TBC1D5: variants seen among roughly 807,000 people sequenced by gnomAD.
TBC1D5 encodes TBC1 domain family member 5.
In TBC1D5, 75 loss-of-function variants were observed where a neutral mutation model predicts 100.3. The ratio of observed to expected loss-of-function variants is 0.75; its 90% CI spans 0.62 to 0.91. The LOEUF is 0.91. Ranked by LOEUF, TBC1D5 falls within the 40% of genes least tolerant of loss-of-function variation. TBC1D5 has a pLI of 0.00. For missense variants in TBC1D5, 910 were observed against 942.4 expected, an observed-to-expected ratio of 0.97 and a Z score of 0.45; for synonymous variants, 323 against 325.6, an observed-to-expected ratio of 0.99 and a Z score of 0.09.
chr3:17,298,089 G>A (rs2082447939), intron 14 of TBC1D5, among the ~76,000 whole-genome samples: 2 of 152,102 alleles, frequency 1.3e-5, no homozygotes, highest in Admixed American at 1.3e-4. Flanking sequence ...ATTTTAAATT[G>A]AAATGAAGGA....
At chr3:17,411,341 A>T (rs1318634983) in intron 4 of TBC1D5, among the ~76,000 whole-genome samples, 1 of 152,108 alleles carries the variant, frequency 6.6e-6, no homozygotes, top group East Asian at 1.9e-4. Flanking sequence ...ATATCACGTG[A>T]CTCACTTTAT....
intron 3 of TBC1D5, among the ~76,000 whole-genome samples, chr3:17,431,298 C>T: frequency 6.6e-6 from 1 of 151,872 alleles, no homozygotes; most frequent in East Asian, 1.9e-4. Flanking sequence ...TACACAAAGA[C>T]TATTAAATGG....
chr3:17,635,891 C>A (rs2063870339), intron 1 of TBC1D5, among the ~76,000 whole-genome samples: 1 of 152,086 alleles, frequency 6.6e-6, no homozygotes, highest in Admixed American at 6.5e-5. Flanking sequence ...GGGCAAGTGA[C>A]ATTTTTAAAA....
chr3:17,495,667 G>C (rs2095697980), intron 3 of TBC1D5, among the ~76,000 whole-genome samples: 1 of 152,192 alleles, frequency 6.6e-6, no homozygotes. Flanking sequence ...GGAAAAGCTT[G>C]CTCACCATCT....
intron 1 of TBC1D5, among the ~76,000 whole-genome samples, chr3:17,675,093 C>A (rs550901439): frequency 5.9e-5 from 9 of 151,960 alleles, no homozygotes; most frequent in African/African-American, 2.2e-4. Context: ...GTATAGGGAT[C>A]AAAAAGTAAA....
chr3:17,549,831 G>A (rs1197727864), intron 2 of TBC1D5, among the ~76,000 whole-genome samples: 1 of 152,106 alleles, frequency 6.6e-6, no homozygotes. Context: ...TCGTGAGGCT[G>A]AGGCAGGAGA....
intron 1 of TBC1D5, among the ~76,000 whole-genome samples, chr3:17,690,286 G>C (rs1270237007): frequency 3.7e-5 from 1 of 26,714 alleles, no homozygotes; most frequent in African/African-American, 1.1e-4. Context: ...GCGGGATCTC[G>C]GCTCACTGCA....
At chr3:17,613,038 C>T (rs1020363192) in intron 2 of TBC1D5, among the ~76,000 whole-genome samples, 2 of 152,084 alleles carry the variant, frequency 1.3e-5, no homozygotes, top group Admixed American at 6.6e-5. Context: ...CTTCCCCAAC[C>T]CCTCACCCCA....
rs145764731 is a variant in TBC1D5 at position 17,546,491 on chromosome 3, C to T, written c.-35-37886G>A. The stretch of plus-strand genomic sequence containing the variant: ...TATAAAAAGTAATAGCAGCCAGGCA[C>T]GGTGGCTCACATCTGTAATGCTAGC... On this transcript the variant is annotated intron_variant, in intron 2 of 21. Transcript: ENST00000253692. Among the ~76,000 whole-genome samples the T allele has an allele frequency of 8.2e-3, 1,252 of 152,072 alleles. 10 individuals carry two copies. Among genetic ancestry groups the T allele is most frequent in the Non-Finnish European group, 0.013 (884 of 67,986 alleles).
At chr3:17,593,607 C>G (rs2060373759) in intron 2 of TBC1D5, among the ~76,000 whole-genome samples, 1 of 152,192 alleles carries the variant, frequency 6.6e-6, no homozygotes. Context: ...ATGCTTCTGC[C>G]AAGACTAGCA....
chr3:17,628,835 T>A (rs866227761), intron 1 of TBC1D5, among the ~76,000 whole-genome samples: 3 of 152,202 alleles, frequency 2.0e-5, no homozygotes, highest in Non-Finnish European at 4.4e-5. Flanking sequence ...GCTAAGTGGT[T>A]ATGTGTGTTA....
intron 16 of TBC1D5, among the ~76,000 whole-genome samples, chr3:17,254,873 A>C (rs1370665310): frequency 1.3e-5 from 2 of 152,096 alleles, no homozygotes; most frequent in Non-Finnish European, 2.9e-5. Flanking sequence ...GTTGGAGTCA[A>C]AGAGAAACAA....
chr3:17,403,329 G>A (rs1050358245), intron 7 of TBC1D5, 81 bp from the exon 8 acceptor site: 7 of 954,332 alleles, frequency 7.3e-6, no homozygotes, highest in African/African-American at 3.4e-5. Flanking sequence ...AATGTAAATG[G>A]TTAAAATTTA....
At chr3:17,535,961 A>G (rs892286426) in intron 2 of TBC1D5, among the ~76,000 whole-genome samples, 1 of 152,174 alleles carries the variant, frequency 6.6e-6, no homozygotes, top group African/African-American at 2.4e-5. Flanking sequence ...AGATTGTACA[A>G]GTACCCACTA....
chr3:17,517,367 A>C (rs559184754), intron 2 of TBC1D5, among the ~76,000 whole-genome samples: 2 of 152,248 alleles, frequency 1.3e-5, no homozygotes, highest in Non-Finnish European at 2.9e-5. Context: ...GAGAACTGTC[A>C]TAAGTCCTTG....
chr3:17,372,357 C>A (rs2092509813), intron 12 of TBC1D5, 110 bp from the exon 13 acceptor site: 1 of 968,928 alleles, frequency 1.0e-6, no homozygotes, highest in Admixed American at 3.2e-5. Flanking sequence ...TATCTGCCTA[C>A]TACTCATTCT....
At chr3:17,601,867 T>C (rs1337095179) in intron 2 of TBC1D5, among the ~76,000 whole-genome samples, 1 of 152,200 alleles carries the variant, frequency 6.6e-6, no homozygotes, top group East Asian at 1.9e-4. Context: ...TCTCGCTCTG[T>C]TGCCCAGGCT....
intron 17 of TBC1D5, among the ~76,000 whole-genome samples, chr3:17,237,357 G>A (rs1000628232): frequency 1.4e-4 from 22 of 152,168 alleles, no homozygotes; most frequent in Non-Finnish European, 2.2e-4. Flanking sequence ...CTTTTGAAAA[G>A]GGGGACCTAA....
chr3:17,235,323 T>C (rs1209949761), intron 17 of TBC1D5, among the ~76,000 whole-genome samples: 2 of 152,188 alleles, frequency 1.3e-5, no homozygotes, highest in Admixed American at 1.3e-4. Context: ...ATGAAAACCA[T>C]AAACAGTTTC....
Sources: gnomAD v4.1 joint callset for allele counts (sites outside exome capture counted in the v4.1 genomes callset) on GRCh38, gnomAD v4.1.1 for gene constraint, MANE v1.5 for transcripts, NCBI Gene and HGNC (gene_info 2026-07-23, HGNC 2026-07-21) for gene names.